EIF2AK3: variants seen among roughly 807,000 people sequenced by gnomAD.
EIF2AK3 encodes eukaryotic translation initiation factor 2-alpha kinase 3.
A neutral mutation model predicts 113.5 loss-of-function variants in EIF2AK3; 50 were observed. The observed-to-expected ratio is 0.44, with a 90% CI of 0.35 to 0.56. The LOEUF is 0.56. Ranked by LOEUF, EIF2AK3 falls within the 20% of genes least tolerant of loss-of-function variation. EIF2AK3 has a pLI of 0.00. For synonymous variants in EIF2AK3, 448 were observed against 495.4 expected (o/e 0.90, Z 1.27); for missense variants, 1,185 against 1,378.0 (o/e 0.86, Z 2.22).
chr2:88,564,247 TAATA>T (rs981075617), intron 14 of EIF2AK3, among the ~76,000 whole-genome samples: 3 of 152,194 alleles, frequency 2.0e-5, no homozygotes, highest in Admixed American at 6.5e-5. Context: ...AGAGTTCTAA[TAATA>T]AATAATTTTA....
At chr2:88,559,223 A>G (rs900263818) in intron 15 of EIF2AK3, among the ~76,000 whole-genome samples, 12 of 152,202 alleles carry the variant, frequency 7.9e-5, no homozygotes, top group Non-Finnish European at 1.5e-4. Flanking sequence ...GATTCAACCA[A>G]CCACAGAATG....
intron 2 of EIF2AK3, among the ~76,000 whole-genome samples, chr2:88,605,945 G>C (rs552120845): frequency 6.6e-6 from 1 of 152,074 alleles, no homozygotes; most frequent in African/African-American, 2.4e-5. Context: ...TAACGGGAGG[G>C]GTAATGAGAT....
chr2:88,576,393 C>T (rs551874166), intron 12 of EIF2AK3, among the ~76,000 whole-genome samples, 161 bp downstream of exon 12: 1 of 152,100 alleles, frequency 6.6e-6, no homozygotes, highest in East Asian at 1.9e-4. Context: ...AAAATCTAAA[C>T]CAAAATTTCA....
intron 1 of EIF2AK3, among the ~76,000 whole-genome samples, chr2:88,626,651 G>A (rs1246785222): frequency 6.6e-6 from 1 of 152,272 alleles, no homozygotes; most frequent in African/African-American, 2.4e-5. Context: ...CCTTGGAAGA[G>A]AATCAATGCC....
rs770646943 is a variant in EIF2AK3, at chr2:88,612,708, A to G, written c.438+1016T>C. ...CTGTTATTATAGATGCGTCACTGGT[A>G]GCAGTTTCCCATTGGAAAGTTTGGT... On this transcript the variant is annotated intron_variant, in intron 2 of 16. Coordinates refer to ENST00000303236, the MANE Select transcript of EIF2AK3 (RefSeq NM_004836.7). 2.0e-5 allele frequency among the ~76,000 whole-genome samples: 3 copies of G among 152,218 alleles called. No homozygotes were observed. The South Asian group carries it at 6.2e-4, about 32-fold the overall frequency.
intron 8 of EIF2AK3, 50 bp from the exon 9 acceptor site, chr2:88,586,111 G>T (rs756952556): frequency 7.0e-7 from 1 of 1,434,742 alleles, no homozygotes; most frequent in South Asian, 1.1e-5. Context: ...TCAAAAATAG[G>T]CCCGTCTTTA....
chr2:88,610,490 A>G (rs952626845), intron 2 of EIF2AK3, among the ~76,000 whole-genome samples: 1 of 152,210 alleles, frequency 6.6e-6, no homozygotes, highest in African/African-American at 2.4e-5. Flanking sequence ...AAAGGCTACT[A>G]GAATATTCCT....
intron 2 of EIF2AK3, among the ~76,000 whole-genome samples, chr2:88,612,067 T>C (rs1170247213): frequency 2.0e-5 from 3 of 152,220 alleles, no homozygotes; most frequent in Non-Finnish European, 4.4e-5. Flanking sequence ...AATGTTGAAC[T>C]GTAGTTTTAA....
chr2:88,598,068 AG>A (rs1675060261), intron 2 of EIF2AK3, among the ~76,000 whole-genome samples: 1 of 152,200 alleles, frequency 6.6e-6, no homozygotes, highest in Non-Finnish European at 1.5e-5. Context: ...GTGCTTGAAA[AG>A]GGTGAGGGCC....
rs1288340468 is a variant in EIF2AK3, at chr2:88,601,657, A to G, written c.439-5994T>C. ...ATAGTGTTTGCATGCCCCACTTTTA[A>G]TGATGTTACTATCAATCACTTGAGT... On this transcript the variant is annotated intron_variant, in intron 2 of 16. Transcript: ENST00000303236. 3.3e-5 allele frequency among the ~76,000 whole-genome samples: 5 copies of G among 152,204 alleles called. No homozygotes were observed. In the East Asian group the frequency reaches 7.7e-4, roughly 24 times the overall value.
At chr2:88,585,696 C>A in intron 9 of EIF2AK3, 145 bp downstream of exon 9, 1 of 721,266 alleles carries the variant, frequency 1.4e-6, no homozygotes, top group Non-Finnish European at 2.3e-6. Context: ...ATGTCCATTA[C>A]ATTTAACACA....
intron 2 of EIF2AK3, among the ~76,000 whole-genome samples, chr2:88,606,419 T>G (rs1573416601): frequency 6.6e-6 from 1 of 152,216 alleles, no homozygotes; most frequent in Admixed American, 6.5e-5. Context: ...GCTAAGGGAT[T>G]AATATAACAA....
At chr2:88,562,473 T>A (rs1673991884) in intron 14 of EIF2AK3, 83 bp from the exon 15 acceptor site, 1 of 1,129,454 alleles carries the variant, frequency 8.9e-7, no homozygotes, top group South Asian at 1.3e-5. Flanking sequence ...TCCCAAAGTT[T>A]ACTTAGTCAC....
chr2:88,579,724 C>G (rs1366542572), intron 10 of EIF2AK3, 84 bp from the exon 11 acceptor site: 1 of 1,292,374 alleles, frequency 7.7e-7, no homozygotes, highest in South Asian at 1.3e-5. Context: ...TCTTATGACA[C>G]ATAAAAATGT....
At position 88,627,097 on chromosome 2, in the gene EIF2AK3, G is replaced by T; in HGVS notation, c.178C>A (p.Pro60Thr). 6.5e-7 allele frequency: 1 copy of T among 1,546,932 alleles called. No homozygotes were observed. The highest frequency in any genetic ancestry group is 8.7e-7 in the Non-Finnish European group (1 of 1,154,700). ...GCCGCAGCCACGGCGCCCGCCGCCG[G>T]TACTCGCGTCGCTGAGGTGGGAGCA... ...AAAPTSATRV[P>T]AAGAVAAAEV... is the part of the protein sequence containing the mutation. Residue 60 changes from proline (P) to threonine (T), a missense_variant, in exon 1 of 17, where the codon CCG becomes ACG. Coordinates refer to ENST00000303236, the MANE Select transcript of EIF2AK3 (RefSeq NM_004836.7).
At chr2:88,601,812 GCATTTATTAGTTAAGATTTTT>G (rs1239275409) in intron 2 of EIF2AK3, among the ~76,000 whole-genome samples, 6 of 131,002 alleles carry the variant, frequency 4.6e-5, no homozygotes, top group Non-Finnish European at 8.2e-5. Flanking sequence ...CATTCTTTCT[GCATTTATTAGTTAAGATTTTT>G]CTTTTTTTTT....
rs772063741 is a variant in EIF2AK3 at position 88,574,669 on chromosome 2, G to C, written c.2814C>G (p.Leu938=). 5.0e-6 allele frequency: 8 copies of C among 1,614,024 alleles called. No homozygotes were observed. The Admixed American group carries it at 6.7e-5, about 13-fold the overall frequency. ...LHSKGLMHRD[L]KPSNIFFTMD... is the part of the protein sequence containing the mutation. The stretch of plus-strand genomic sequence containing the variant: ...GTGATGCTCCACAAATACAGACCTT[G>C]AGGTCCCTGTGCATCAGTCCTTTAC... The change falls in exon 13 of 17, where the codon CTC becomes CTG. Residue 938 remains leucine (L), a synonymous_variant. Coordinates refer to ENST00000303236, the MANE Select transcript of EIF2AK3 (RefSeq NM_004836.7).
chr2:88,590,770 AC>A, intron 5 of EIF2AK3, 47 bp downstream of exon 5: 1 of 1,605,100 alleles, frequency 6.2e-7, no homozygotes, highest in Non-Finnish European at 8.5e-7. Context: ...GTTTGGTCAG[AC>A]TGGGAGAGGA....
chr2:88,623,738 G>A (rs529520716), intron 1 of EIF2AK3, among the ~76,000 whole-genome samples: 8 of 152,148 alleles, frequency 5.3e-5, no homozygotes, highest in African/African-American at 1.2e-4. Context: ...TATAAACTGC[G>A]TATTTATCTC....
Sources: gnomAD v4.1 joint callset for allele counts (sites outside exome capture counted in the v4.1 genomes callset) on GRCh38, gnomAD v4.1.1 for gene constraint, MANE v1.5 for transcripts, NCBI Gene and HGNC (gene_info 2026-07-23, HGNC 2026-07-21) for gene names.